Variants in HFM1 observed in about 807,000 individuals in gnomAD.
The protein encoded by HFM1 is helicase for meiosis 1.
HFM1 carries 169 observed loss-of-function variants against 192.1 expected under a neutral mutation model. The observed-to-expected ratio is 0.88, with a 90% confidence interval of 0.78 to 1.00. HFM1 has a LOEUF of 1.00. Among genes scored for constraint, HFM1 ranks in the 50% least tolerant of loss-of-function variants. The probability of loss-of-function intolerance (pLI) is 0.00; values close to 1 mark genes in which losing one functional copy is unlikely to be tolerated. For synonymous variants in HFM1, 525 were observed against 537.8 expected, an observed-to-expected ratio of 0.98 and a Z score of 0.33; for missense variants, 1,661 against 1,668.0, an observed-to-expected ratio of 1.00 and a Z score of 0.07.
intron 13 of HFM1, among the ~76,000 whole-genome samples, chr1:91,360,834 TAACA>T (rs1299593662): frequency 2.6e-5 from 4 of 152,246 alleles, no homozygotes; most frequent in African/African-American, 7.2e-5. Flanking sequence ...ATGGAAATCA[TAACA>T]AACAGTCTCT....
intron 1 of HFM1, among the ~76,000 whole-genome samples, chr1:91,403,439 T>C (rs1401441378): frequency 1.3e-5 from 2 of 152,184 alleles, no homozygotes; most frequent in Non-Finnish European, 2.9e-5. Flanking sequence ...TTCTAAAAGA[T>C]GATGAATTTG....
chr1:91,290,168 T>C (rs191444699), intron 30 of HFM1, among the ~76,000 whole-genome samples: 32 of 151,746 alleles, frequency 2.1e-4, no homozygotes, highest in Non-Finnish European at 3.8e-4. Context: ...CCAGCTAACA[T>C]CATAATGACA....
intron 23 of HFM1, among the ~76,000 whole-genome samples, chr1:91,319,631 ATC>A (rs1651796598): frequency 6.6e-6 from 1 of 151,892 alleles, no homozygotes; most frequent in African/African-American, 2.4e-5. Context: ...TATTCACTCA[ATC>A]TCTCTCTAAA....
rs1570948982 is a variant in HFM1, at chr1:91,323,090, T to C, written c.2534+3A>G. The C allele has an allele frequency of 1.4e-6, 2 of 1,478,192 alleles. No homozygotes were observed. The allele number at this position is 1,478,192 out of a possible 1,614,324, so 91.6% of individuals were successfully genotyped here. On this transcript the variant is annotated splice_donor_region_variant and intron_variant, in intron 22 of 38. Coordinates refer to ENST00000370425, the MANE Select transcript of HFM1 (RefSeq NM_001017975.6). ...TTATTTAAAACATATGTAATTTCTG[T>C]ACCTGATAGTTATCCGATTTGGATC...
rs374564522 is a variant in HFM1, at chr1:91,324,331, A to G, written c.2427+344T>C. 5.3e-4 allele frequency among the ~76,000 whole-genome samples: 81 copies of G among 152,296 alleles called. 2 individuals carry two copies. In the South Asian group the frequency reaches 0.016, roughly 31 times the overall value. On this transcript the variant is annotated intron_variant, in intron 21 of 38. Coordinates refer to ENST00000370425, the MANE Select transcript of HFM1 (RefSeq NM_001017975.6). ...ATGGTAGACTTTCCTAATATATCAC[A>G]CCACATCATCTTGGAATCTTTCTTA...
At chr1:91,300,006 T>C (rs1648425663) in intron 30 of HFM1, among the ~76,000 whole-genome samples, 2 of 152,058 alleles carry the variant, frequency 1.3e-5, no homozygotes, top group African/African-American at 4.8e-5. Context: ...AGCTGGTTTT[T>C]TGAAAGATAA....
At chr1:91,317,564 G>C (rs1447316066) in intron 25 of HFM1, among the ~76,000 whole-genome samples, 1 of 152,166 alleles carries the variant, frequency 6.6e-6, no homozygotes, top group Non-Finnish European at 1.5e-5. Flanking sequence ...ACACGGAACA[G>C]TATAAAATTC....
intron 13 of HFM1, among the ~76,000 whole-genome samples, chr1:91,369,644 GA>G (rs1659890371): frequency 6.6e-6 from 1 of 152,082 alleles, no homozygotes; most frequent in South Asian, 2.1e-4. Context: ...AAGCAGGAAA[GA>G]TAAAAATTGA....
chr1:91,361,405 T>C (rs975109811), intron 13 of HFM1, among the ~76,000 whole-genome samples: 10 of 151,984 alleles, frequency 6.6e-5, no homozygotes, highest in Admixed American at 2.0e-4. Context: ...CAAACAACCA[T>C]CAGAGAATAC....
At chr1:91,322,901 G>T in intron 23 of HFM1, 49 bp downstream of exon 23, 1 of 861,802 alleles carries the variant, frequency 1.2e-6, no homozygotes, top group Non-Finnish European at 1.7e-6. Context: ...AATTAAAAAT[G>T]TTTTAAAACC....
At chr1:91,267,189 G>A (rs1665849352) in intron 35 of HFM1, among the ~76,000 whole-genome samples, 1 of 152,034 alleles carries the variant, frequency 6.6e-6, no homozygotes, top group Non-Finnish European at 1.5e-5. Flanking sequence ...GAGCTAATAA[G>A]CCTCATTATT....
At position 91,370,573 on chromosome 1, in the gene HFM1, T is replaced by A. The variant is rs545792554; in HGVS notation, c.1685+4785A>T. On this transcript the variant is annotated intron_variant, in intron 13 of 38. Transcript: ENST00000370425. ...TGCTAAAAACTCTCAATAAATTAGG[T>A]ATTGATTGGATGTATCTCAAAATAA... Among the ~76,000 whole-genome samples the A allele has an allele frequency of 2.3e-3, 357 of 152,258 alleles. 2 individuals are homozygous for A. In the Middle Eastern group the frequency reaches 0.024, roughly 10 times the overall value.
At chr1:91,330,525 G>A (rs999652353) in intron 20 of HFM1, among the ~76,000 whole-genome samples, 1 of 152,076 alleles carries the variant, frequency 6.6e-6, no homozygotes, top group Non-Finnish European at 1.5e-5. Flanking sequence ...TCCCTGTAAA[G>A]AGAAGCCTGG....
At chr1:91,292,739 C>T (rs974642176) in intron 30 of HFM1, among the ~76,000 whole-genome samples, 21 of 152,160 alleles carry the variant, frequency 1.4e-4, no homozygotes, top group Admixed American at 8.5e-4. Flanking sequence ...GAGCTCGTAT[C>T]ACCAAGTCAA....
At chr1:91,403,871 C>CTTATTGTATAAAATTATTGTATACAA (rs1664568388) in intron 1 of HFM1, among the ~76,000 whole-genome samples, 2 of 152,006 alleles carry the variant, frequency 1.3e-5, no homozygotes, top group South Asian at 2.1e-4. Flanking sequence ...GTAATCTTTA[C>CTTATTGTATAAAATTATTGTATACAA]TTATTGTATA....
At chr1:91,361,886 G>A (rs745560579) in intron 13 of HFM1, among the ~76,000 whole-genome samples, 2 of 152,146 alleles carry the variant, frequency 1.3e-5, no homozygotes, top group African/African-American at 4.8e-5. Context: ...CAGGATGCAA[G>A]GTTGGTTCAA....
At chr1:91,343,112 T>G (rs889260835) in intron 20 of HFM1, among the ~76,000 whole-genome samples, 5 of 150,282 alleles carry the variant, frequency 3.3e-5, no homozygotes, top group Non-Finnish European at 7.4e-5. Flanking sequence ...GCGCCTGTAG[T>G]CCCAGCTACT....
At chr1:91,405,520 A>C (rs563772110), upstream of HFM1, among the ~76,000 whole-genome samples, 32 of 152,294 alleles carry the variant, frequency 2.1e-4, no homozygotes, top group African/African-American at 7.2e-4. Context: ...TCTAGGGCCA[A>C]CCTACTGCTG....
chr1:91,319,951 G>T (rs997892426), intron 23 of HFM1, among the ~76,000 whole-genome samples: 1 of 152,174 alleles, frequency 6.6e-6, no homozygotes, highest in African/African-American at 2.4e-5. Flanking sequence ...ACCAGCAGCT[G>T]CTGGGCTACT....
Sources: gnomAD v4.1 joint callset for allele counts (sites outside exome capture counted in the v4.1 genomes callset) on GRCh38, gnomAD v4.1.1 for gene constraint, MANE v1.5 for transcripts, NCBI Gene and HGNC (gene_info 2026-07-23, HGNC 2026-07-21) for gene names.